The following CNTN5 variants were observed in gnomAD, a reference collection of about 807,000 sequenced individuals.
The protein encoded by CNTN5 is contactin 5.
In CNTN5, 77 loss-of-function variants were observed where a neutral mutation model predicts 129.1. The observed-to-expected ratio is 0.60, with a 90% CI of 0.50 to 0.72. CNTN5 has a LOEUF of 0.72. CNTN5 is among the 30% of genes least tolerant of loss of function. CNTN5 has a pLI of 0.00. For synonymous variants in CNTN5, 509 were observed against 465.6 expected (o/e 1.09, Z -1.20); for missense variants, 1,478 against 1,328.8 (o/e 1.11, Z -1.75).
At chr11:99,868,531 A>G (rs1056366710) in intron 6 of CNTN5, among the ~76,000 whole-genome samples, 1 of 152,192 alleles carries the variant, frequency 6.6e-6, no homozygotes, top group Non-Finnish European at 1.5e-5. Context: ...GATTTCAAAG[A>G]CTGTGCTCCA....
intron 2 of CNTN5, among the ~76,000 whole-genome samples, chr11:99,388,414 C>CG (rs1555129501): frequency 8.2e-6 from 1 of 121,836 alleles, no homozygotes; most frequent in Non-Finnish European, 1.6e-5. Flanking sequence ...AACCCGGTCT[C>CG]AAAAAAAAAA....
intron 8 of CNTN5, among the ~76,000 whole-genome samples, chr11:99,980,090 G>A (rs150150226): frequency 6.6e-6 from 1 of 152,252 alleles, no homozygotes; most frequent in African/African-American, 2.4e-5. Context: ...GAAAGGTAAT[G>A]CTAGACCTCT....
At chr11:99,092,472 A>G (rs1400064091) in intron 1 of CNTN5, among the ~76,000 whole-genome samples, 1 of 152,082 alleles carries the variant, frequency 6.6e-6, no homozygotes, top group Admixed American at 6.6e-5. Context: ...TGCATTAAAA[A>G]TTGTCAAAAT....
At chr11:99,512,904 G>GA (rs1484377735) in intron 2 of CNTN5, among the ~76,000 whole-genome samples, 1 of 152,038 alleles carries the variant, frequency 6.6e-6, no homozygotes, top group Non-Finnish European at 1.5e-5. Context: ...CAAGTAAAAG[G>GA]AAAAATAGCA....
intron 13 of CNTN5, among the ~76,000 whole-genome samples, chr11:100,117,588 AT>A (rs1368245290): frequency 6.6e-6 from 1 of 151,922 alleles, no homozygotes; most frequent in Non-Finnish European, 1.5e-5. Context: ...CACTTCCAAT[AT>A]CTCACTCTGG....
chr11:99,439,720 A>AAG (rs1420618095), intron 2 of CNTN5, among the ~76,000 whole-genome samples: 97 of 149,260 alleles, frequency 6.5e-4, no homozygotes, highest in African/African-American at 2.1e-3. Context: ...AAAAAAAAAA[A>AAG]AAAAAGAAAA....
chr11:99,737,098 G>GA (rs956720462), intron 3 of CNTN5, among the ~76,000 whole-genome samples: 2 of 151,700 alleles, frequency 1.3e-5, no homozygotes, highest in Admixed American at 6.6e-5. Context: ...TTGTCAAAGG[G>GA]AAAAAACTCT....
intron 6 of CNTN5, among the ~76,000 whole-genome samples, chr11:99,915,228 GA>G (rs1444462738): frequency 1.3e-5 from 2 of 151,874 alleles, no homozygotes; most frequent in African/African-American, 2.4e-5. Context: ...CCTATCCCAG[GA>G]AAAAGGAAAG....
At chr11:99,677,220 CAGG>C in intron 3 of CNTN5, among the ~76,000 whole-genome samples, 1 of 152,256 alleles carries the variant, frequency 6.6e-6, no homozygotes, top group Admixed American at 6.5e-5. Context: ...GTCGCTCAGA[CAGG>C]AGAAAATAAT....
At chr11:99,039,992 A>C (rs549820647) in intron 1 of CNTN5, among the ~76,000 whole-genome samples, 196 of 152,290 alleles carry the variant, frequency 1.3e-3, no homozygotes, top group African/African-American at 4.6e-3. Flanking sequence ...TGTTTCATGC[A>C]GAGAAGAGAT....
chr11:99,748,832 TACTC>T (rs1380976814), intron 3 of CNTN5, among the ~76,000 whole-genome samples: 1 of 152,212 alleles, frequency 6.6e-6, no homozygotes, highest in Non-Finnish European at 1.5e-5. Flanking sequence ...AAATCTTCTT[TACTC>T]ACTCTACTGA....
chr11:99,936,304 A>C (rs1318789125), intron 7 of CNTN5, among the ~76,000 whole-genome samples: 1 of 152,232 alleles, frequency 6.6e-6, no homozygotes, highest in Non-Finnish European at 1.5e-5. Context: ...GCAAATGTCC[A>C]GTAAGTTTTC....
intron 9 of CNTN5, among the ~76,000 whole-genome samples, chr11:100,033,248 C>T (rs74856823): frequency 6.6e-6 from 1 of 152,070 alleles, no homozygotes; most frequent in Non-Finnish European, 1.5e-5. Context: ...GCTTTTCTGG[C>T]AGAACCTGGA....
intron 1 of CNTN5, among the ~76,000 whole-genome samples, chr11:99,216,764 GC>G (rs1253718257): frequency 4.0e-5 from 6 of 151,888 alleles, no homozygotes; most frequent in Non-Finnish European, 7.4e-5. Flanking sequence ...AGATACCAAA[GC>G]AAAAAAGGAC....
At chr11:100,036,460 T>G (rs1334355909) in intron 9 of CNTN5, among the ~76,000 whole-genome samples, 3 of 151,060 alleles carry the variant, frequency 2.0e-5, no homozygotes, top group African/African-American at 7.3e-5. Context: ...GGCTCTTTTT[T>G]GGTTCCATAT....
At chr11:100,242,112 C>G (rs1447581839) in intron 16 of CNTN5, among the ~76,000 whole-genome samples, 1 of 152,146 alleles carries the variant, frequency 6.6e-6, no homozygotes, top group Non-Finnish European at 1.5e-5. Context: ...TAAACTGGCA[C>G]TTGCTAATCT....
At chr11:99,555,229 G>A (rs994257179) in intron 2 of CNTN5, among the ~76,000 whole-genome samples, 1 of 151,968 alleles carries the variant, frequency 6.6e-6, no homozygotes, top group Admixed American at 6.6e-5. Flanking sequence ...TTCATAAGGA[G>A]GGATCAGATA....
At chr11:100,150,625 T>A (rs1022525854) in intron 13 of CNTN5, among the ~76,000 whole-genome samples, 3 of 151,886 alleles carry the variant, frequency 2.0e-5, no homozygotes, top group Non-Finnish European at 2.9e-5. Flanking sequence ...ATTTTTACGG[T>A]CAGTCCTCAT....
At chr11:99,224,486 C>A (rs1860569340) in intron 1 of CNTN5, among the ~76,000 whole-genome samples, 1 of 152,000 alleles carries the variant, frequency 6.6e-6, no homozygotes, top group African/African-American at 2.4e-5. Context: ...AGTGACACTT[C>A]ACACAAAATT....
Sources: allele counts gnomAD v4.1 joint callset (sites outside exome capture counted in the v4.1 genomes callset), GRCh38; gene constraint gnomAD v4.1.1; transcripts MANE v1.5; gene names NCBI Gene and HGNC (gene_info 2026-07-23, HGNC 2026-07-21).